Variants in ST7 observed in about 807,000 individuals in gnomAD.
ST7 encodes the protein suppressor of tumorigenicity 7 protein.
Under a neutral mutation model 78.7 loss-of-function variants are expected in ST7, and 28 were observed. That is an observed-to-expected ratio of 0.36 (90% CI 0.26 to 0.49). ST7 has a LOEUF of 0.49. Ranked by LOEUF, ST7 falls within the 20% of genes least tolerant of loss-of-function variation. The pLI, the probability that ST7 is intolerant of heterozygous loss-of-function variation, is 0.99. For synonymous variants in ST7, 247 were observed against 249.6 expected (o/e 0.99, Z 0.10); for missense variants, 418 against 696.0 (o/e 0.60, Z 4.49).
chr7:116,999,808 C>CTTTTTTTTTTTTTTTTTTTTTT (rs71148356), intron 1 of ST7, among the ~76,000 whole-genome samples: 1 of 104,442 alleles, frequency 9.6e-6, no homozygotes, highest in Admixed American at 1.2e-4. Context: ...AATTTTCTTT[C>CTTTTTTTTTTTTTTTTTTTTTT]TTTTTTTTTT....
chr7:116,982,707 C>T (rs1249817485), intron 1 of ST7, among the ~76,000 whole-genome samples: 1 of 152,120 alleles, frequency 6.6e-6, no homozygotes, highest in Non-Finnish European at 1.5e-5. Context: ...TTTCCTGTTC[C>T]ATTCTTGGAA....
chr7:116,984,135 GTGTGTGTGTC>G (rs1181892367), intron 1 of ST7, among the ~76,000 whole-genome samples: 4 of 151,796 alleles, frequency 2.6e-5, no homozygotes, highest in African/African-American at 9.7e-5. Context: ...GTGTGTGTGT[GTGTGTGTGTC>G]TATCTGTCTG....
At chr7:117,146,172 T>C (rs907600498) in intron 9 of ST7, 1 of 152,214 alleles carries the variant, frequency 6.6e-6, no homozygotes, top group African/African-American at 2.4e-5. Flanking sequence ...TTTATGCTCA[T>C]TGTGACAAGT....
chr7:117,180,558 AAAAT>A (rs952387336), intron 10 of ST7, among the ~76,000 whole-genome samples: 1 of 152,226 alleles, frequency 6.6e-6, no homozygotes, highest in Non-Finnish European at 1.5e-5. Context: ...TATAGTTAAA[AAAAT>A]AAATAAATAA....
intron 9 of ST7, among the ~76,000 whole-genome samples, chr7:117,154,593 G>C (rs1806545636): frequency 6.6e-6 from 1 of 152,186 alleles, no homozygotes; most frequent in African/African-American, 2.4e-5. Flanking sequence ...TAACTGAAAG[G>C]AGGTGAGTTA....
chr7:117,098,763 C>T, intron 1 of ST7: 1 of 1,298,482 alleles, frequency 7.7e-7, no homozygotes, highest in Non-Finnish European at 1.0e-6. Context: ...GATGTGATTC[C>T]CTTCTACAAA....
chr7:117,119,240 T>A (rs1803164439), intron 2 of ST7, among the ~76,000 whole-genome samples: 1 of 152,236 alleles, frequency 6.6e-6, no homozygotes, highest in African/African-American at 2.4e-5. Context: ...TTTCTGGAAT[T>A]GTCTTTCAGC....
In ST7 at chr7:117,222,049, T is replaced by C; in HGVS notation, c.1625T>C (p.Val542Ala). 6.2e-7 allele frequency: 1 copy of C among 1,609,574 alleles called. No individual in the cohort carries two copies. Among genetic ancestry groups the C allele is most frequent in the Non-Finnish European group, 8.5e-7 (1 of 1,178,308 alleles). Residue 542 changes from valine to alanine, a missense_variant, in exon 15 of 16, where the codon GTC (valine) becomes GCC (alanine). Physicochemically the swap from Val to Ala is moderately conservative, Grantham distance 64. Around this residue, in one of 4 missense-constraint regions of ST7, gnomAD observed 288 missense variants for 537.1 expected, o/e 0.54. Coordinates refer to ENST00000323984, the MANE Select transcript of ST7 (RefSeq NM_001369598.1). ...LTHQFPELMG[V>A]FAKAFLSTLF... ...CATCAGTTCCCGGAACTTATGGGGGTCTTCGCAAAAGCTGTGAGTGTTTGC... is the reference window on the plus strand; with the variant it reads ...CATCAGTTCCCGGAACTTATGGGGGCCTTCGCAAAAGCTGTGAGTGTTTGC...
chr7:116,998,107 G>A (rs913809976), intron 1 of ST7, among the ~76,000 whole-genome samples: 9 of 152,212 alleles, frequency 5.9e-5, no homozygotes, highest in Admixed American at 5.2e-4. Flanking sequence ...GGGGAGGCTC[G>A]GGCATGGCAG....
chr7:117,100,155 A>T (rs923118979), intron 2 of ST7, among the ~76,000 whole-genome samples: 1 of 152,194 alleles, frequency 6.6e-6, no homozygotes, highest in Non-Finnish European at 1.5e-5. Flanking sequence ...TGTAAAATAA[A>T]TGTAACTCAG....
chr7:117,020,406 T>C (rs1288158458), intron 1 of ST7: 10 of 437,462 alleles, frequency 2.3e-5, no homozygotes, highest in Non-Finnish European at 3.6e-5. Context: ...TGCATTTCAA[T>C]CACACCGGGA....
At chr7:117,065,479 G>A (rs1209732837) in intron 1 of ST7, among the ~76,000 whole-genome samples, 1 of 152,190 alleles carries the variant, frequency 6.6e-6, no homozygotes, top group Non-Finnish European at 1.5e-5. Flanking sequence ...AAATTGCTGG[G>A]ATTACAGGCG....
chr7:116,959,057 A>T (rs1040269329), intron 1 of ST7: 1 of 414,280 alleles, frequency 2.4e-6, no homozygotes, highest in Non-Finnish European at 4.8e-6. Flanking sequence ...TTTTACCCAC[A>T]GTAGGACTTT....
intron 1 of ST7, among the ~76,000 whole-genome samples, chr7:116,985,909 T>G (rs1794169052): frequency 6.6e-6 from 1 of 152,222 alleles, no homozygotes; most frequent in East Asian, 1.9e-4. Flanking sequence ...CTTGGCTCAT[T>G]GCAACCTCCG....
intron 10 of ST7, among the ~76,000 whole-genome samples, chr7:117,188,040 G>A (rs888481634): frequency 6.6e-6 from 1 of 151,996 alleles, no homozygotes; most frequent in Non-Finnish European, 1.5e-5. Flanking sequence ...AAGAGATTAC[G>A]GGTACAAAGA....
chr7:117,209,914 T>G lies in ST7; in HGVS notation c.1382T>G (p.Leu461Arg). 6.2e-7 allele frequency: 1 copy of G among 1,613,706 alleles called. No individual in the cohort carries two copies. The highest frequency in any genetic ancestry group is 1.3e-5 in the African/African-American group (1 of 75,034). Residue 461 changes from leucine (L) to arginine (R), a missense_variant, in exon 13 of 16, where the codon CTT (leucine) becomes CGT (arginine). By Grantham distance (102) the Leu-to-Arg change is moderately radical. Transcript: ENST00000323984. ...AAGAGAGTGGAAGGGGCTTTGAATC[T>G]TTTGCATTGTACGTGGGAAGGCAGT... ...HWKRVEGALN[L>R]LHCTWEGTFR...
intron 1 of ST7, among the ~76,000 whole-genome samples, chr7:116,970,297 T>A (rs141541032): frequency 1.8e-4 from 27 of 152,282 alleles, no homozygotes; most frequent in African/African-American, 6.0e-4. Context: ...TAGTTACTGG[T>A]CAAGTCCTGA....
At chr7:117,175,543 T>C (rs74335618) in intron 10 of ST7, among the ~76,000 whole-genome samples, 3,574 of 152,238 alleles carry the variant, frequency 0.023, 106 homozygotes, top group East Asian at 0.15. Flanking sequence ...CAGAAGGCAG[T>C]CATGGGTGGT....
intron 13 of ST7, among the ~76,000 whole-genome samples, chr7:117,216,521 C>G (rs1412494926): frequency 6.6e-6 from 1 of 152,078 alleles, no homozygotes; most frequent in Non-Finnish European, 1.5e-5. Context: ...CTTAGATTCG[C>G]AAAATTTCTG....
Sources: gnomAD v4.1 joint callset for allele counts (sites outside exome capture counted in the v4.1 genomes callset) on GRCh38, gnomAD v4.1.1 for gene constraint, gnomAD v4.1.1 regional missense constraint, MANE v1.5 for transcripts, NCBI Gene and HGNC (gene_info 2026-07-23, HGNC 2026-07-21) for gene names.